G2E3: variants seen among roughly 807,000 people sequenced by gnomAD.
G2E3 encodes G2/M-phase specific E3 ubiquitin protein ligase.
G2E3 carries 35 observed loss-of-function variants against 92.8 expected under a neutral mutation model. The observed-to-expected ratio is 0.38, with a 90% CI of 0.29 to 0.50. G2E3 has a LOEUF of 0.50. G2E3 is among the 20% of genes least tolerant of loss of function. The pLI, the probability that G2E3 is intolerant of heterozygous loss-of-function variation, is 0.94. For synonymous variants in G2E3, 242 were observed against 272.4 expected (o/e 0.89, Z 1.10); for missense variants, 554 against 823.8 (o/e 0.67, Z 4.01).
At chr14:30,572,107 C>A (rs1357900159) in intron 1 of G2E3, among the ~76,000 whole-genome samples, 1 of 152,066 alleles carries the variant, frequency 6.6e-6, no homozygotes, top group African/African-American at 2.4e-5. Flanking sequence ...TTTTCCACAT[C>A]TTTTACTAAG....
intron 1 of G2E3, among the ~76,000 whole-genome samples, chr14:30,565,693 G>A (rs1286791062): frequency 1.9e-5 from 2 of 107,042 alleles, no homozygotes; most frequent in African/African-American, 7.5e-5. Flanking sequence ...ATGGAGTCTC[G>A]CTTTGTTGCC....
At position 30,612,390 on chromosome 14, in the gene G2E3, TC is replaced by T. The variant is rs777380314; in HGVS notation, c.1673+12del. Reference sequence around the variant, plus strand: ...CACACCCTTTGAAAGGTAAGTTGTTTCTATTAATATATGGCTCTTTCAAATT... The same window carrying T: ...CACACCCTTTGAAAGGTAAGTTGTTTTATTAATATATGGCTCTTTCAAATT... On this transcript the variant is annotated intron_variant, in intron 13 of 14. Coordinates refer to ENST00000206595, the MANE Select transcript of G2E3 (RefSeq NM_017769.5). The T allele has an allele frequency of 6.7e-7, 1 of 1,502,724 alleles. No individual in the cohort carries two copies. The highest frequency in any genetic ancestry group is 9.0e-7 in the Non-Finnish European group (1 of 1,107,212). The allele number at this position is 1,502,724 out of a possible 1,614,324, so 93.1% of individuals were successfully genotyped here.
At chr14:30,581,234 A>G in intron 2 of G2E3, 118 bp downstream of exon 2, 3 of 648,222 alleles carry the variant, frequency 4.6e-6, no homozygotes, top group Non-Finnish European at 8.4e-6. Flanking sequence ...ATGTCCACAT[A>G]CTAAAGTATA....
Position 30,605,767 on chromosome 14 carries a change from T to C in G2E3, c.1273T>C (p.Leu425=), listed in dbSNP as rs1394838754. The change falls in exon 11 of 15, where the codon TTG becomes CTG. Residue 425 remains leucine, a synonymous_variant. Transcript: ENST00000206595. ...LLMQHLENSS[L]FEGSLSKNLS... ...AATGCAACATCTTGAGAACTCATCATTGTTTGAAGGGTCCTTGTCAAAGAA... is the reference window on the plus strand; with the variant it reads ...AATGCAACATCTTGAGAACTCATCACTGTTTGAAGGGTCCTTGTCAAAGAA... 1.3e-6 allele frequency: 2 copies of C among 1,595,824 alleles called. No individual in the cohort carries two copies. The highest frequency in any genetic ancestry group is 2.2e-5 in the East Asian group (1 of 44,660).
rs76362563 is a variant in G2E3, at chr14:30,579,989, G to A, written c.-4-1087G>A. ...CTTTTCTTTGATCTTTTAGAGAAAA[G>A]TTATATTTCAGTAATGATTATAAGT... On this transcript the variant is annotated intron_variant, in intron 1 of 14. Coordinates refer to ENST00000206595, the MANE Select transcript of G2E3 (RefSeq NM_017769.5). Among the ~76,000 whole-genome samples the A allele has an allele frequency of 5.6e-3, 851 of 152,264 alleles. 10 individuals are homozygous for A. The highest frequency in any genetic ancestry group is 0.019 in the African/African-American group (782 of 41,552).
At chr14:30,562,804 G>A (rs1224504453) in intron 1 of G2E3, among the ~76,000 whole-genome samples, 1 of 152,108 alleles carries the variant, frequency 6.6e-6, no homozygotes, top group Non-Finnish European at 1.5e-5. Flanking sequence ...AGCAAATTAG[G>A]GAAAGTACTA....
chr14:30,581,512 G>T (rs28721907), intron 2 of G2E3, among the ~76,000 whole-genome samples: 7,513 of 152,204 alleles, frequency 0.049, 611 homozygotes, highest in African/African-American at 0.17. Flanking sequence ...TTCAAGACCA[G>T]CCTGGCCAAC....
intron 1 of G2E3, among the ~76,000 whole-genome samples, chr14:30,575,052 G>A (rs960793475): frequency 3.9e-5 from 6 of 152,184 alleles, no homozygotes; most frequent in African/African-American, 9.7e-5. Context: ...CAGGGTATAA[G>A]TGTTTCCTTT....
At position 30,593,618 on chromosome 14, in the gene G2E3, G is replaced by A; in HGVS notation, c.507G>A (p.Trp169Ter). Residue 169 changes from tryptophan (W) to a stop codon, truncating the protein, a stop_gained, in exon 6 of 15, where the codon TGG becomes TGA. Transcript: ENST00000206595. LOFTEE classifies it high-confidence loss of function. ...GAAGTCCTTGTTGTAAGAACGCTTG[G>A]TTTCATAGAGACTGTTTACAGGTAA... ...ILRSPCCKNAWFHRDCLQVQA... is the reference protein window; with the variant it reads ...ILRSPCCKNA The A allele has an allele frequency of 1.9e-6, 3 of 1,606,498 alleles. No homozygotes were observed. Among genetic ancestry groups the A allele is most frequent in the South Asian group, 1.1e-5 (1 of 90,524 alleles).
chr14:30,573,842 A>G (rs1318081380), intron 1 of G2E3, among the ~76,000 whole-genome samples: 1 of 152,230 alleles, frequency 6.6e-6, no homozygotes, highest in Non-Finnish European at 1.5e-5. Flanking sequence ...ACACTCTCAC[A>G]GACACATCCA....
chr14:30,608,497 A>G (rs912658731), intron 12 of G2E3, among the ~76,000 whole-genome samples: 6 of 152,230 alleles, frequency 3.9e-5, no homozygotes, highest in African/African-American at 9.6e-5. Context: ...CCTTCCTTCT[A>G]TAGGGAGGTA....
chr14:30,616,715 TAAAGC>T lies in G2E3; in HGVS notation c.*183_*187del, dbSNP rs1882332547. 2 of 477,906 alleles carry T rather than the reference TAAAGC, an allele frequency of 4.2e-6. No homozygotes were observed. Among genetic ancestry groups the T allele is most frequent in the Non-Finnish European group, 7.3e-6 (2 of 274,944 alleles). 29.6% of individuals were successfully genotyped at this position (477,906 alleles called of 1,614,324 possible). A position where few individuals can be genotyped will look rare whatever the true frequency, so the allele number is the denominator to read the frequency against. On this transcript the variant is annotated 3_prime_UTR_variant, in exon 15 of 15. Coordinates refer to ENST00000206595, the MANE Select transcript of G2E3 (RefSeq NM_017769.5). ...TAGGCTAAAAAAAGGTTTTTTTTGTTAAAGCATACTAGTCAAAATTGGTGATAATT... is the reference window on the plus strand; with the variant it reads ...TAGGCTAAAAAAAGGTTTTTTTTGTTATACTAGTCAAAATTGGTGATAATT...
chr14:30,611,963 CT>C (rs1566552771), intron 12 of G2E3: 7 of 324,096 alleles, frequency 2.2e-5, no homozygotes, highest in Non-Finnish European at 4.0e-5. Flanking sequence ...CAGTTATTTC[CT>C]TTTTTATAAA....
intron 1 of G2E3, among the ~76,000 whole-genome samples, chr14:30,571,787 T>G (rs190356713): frequency 5.3e-5 from 8 of 152,244 alleles, no homozygotes; most frequent in Non-Finnish European, 8.8e-5. Flanking sequence ...TTTTCCCTTA[T>G]GATCTATTGA....
At chr14:30,615,817 A>T (rs1882287476) in intron 14 of G2E3, among the ~76,000 whole-genome samples, 2 of 152,126 alleles carry the variant, frequency 1.3e-5, no homozygotes, top group South Asian at 4.1e-4. Flanking sequence ...ACCGCATAGA[A>T]CAGTTTTAAT....
intron 8 of G2E3, among the ~76,000 whole-genome samples, chr14:30,599,556 A>G (rs970463915): frequency 2.6e-5 from 4 of 152,126 alleles, no homozygotes; most frequent in South Asian, 2.1e-4. Flanking sequence ...CCTTATCTCC[A>G]TATATAGTCA....
chr14:30,578,457 T>C (rs1309938281), intron 1 of G2E3, among the ~76,000 whole-genome samples: 1 of 152,178 alleles, frequency 6.6e-6, no homozygotes, highest in African/African-American at 2.4e-5. Flanking sequence ...TTAAGTTTAT[T>C]GACCCACGCC....
At chr14:30,581,248 T>A (rs1880414967) in intron 2 of G2E3, 132 bp downstream of exon 2, 3 of 569,222 alleles carry the variant, frequency 5.3e-6, no homozygotes, top group Non-Finnish European at 6.4e-6. Context: ...AAGTATAATA[T>A]TGCATATATT....
chr14:30,595,509 C>T (rs541584759), intron 6 of G2E3, among the ~76,000 whole-genome samples: 134 of 152,068 alleles, frequency 8.8e-4, no homozygotes, highest in Non-Finnish European at 1.2e-3. Context: ...TTAATTTTGT[C>T]GTTAAAAAAG....
Sources: gnomAD v4.1 joint callset for allele counts (sites outside exome capture counted in the v4.1 genomes callset) on GRCh38, gnomAD v4.1.1 for gene constraint, MANE v1.5 for transcripts, NCBI Gene and HGNC (gene_info 2026-07-23, HGNC 2026-07-21) for gene names.